The following UNC79 variants were observed in gnomAD, a reference collection of about 807,000 sequenced individuals.
UNC79 encodes protein unc-79 homolog.
Under a neutral mutation model 283.1 loss-of-function variants are expected in UNC79, and 37 were observed. The ratio of observed to expected loss-of-function variants is 0.13; its 90% CI spans 0.10 to 0.17. UNC79 has a LOEUF of 0.17. Ranked by LOEUF, UNC79 falls within the 10% of genes least tolerant of loss-of-function variation. UNC79 has a pLI of 1.00. For synonymous variants in UNC79, 1,107 were observed against 1,200.2 expected (o/e 0.92, Z 1.61); for missense variants, 2,272 against 3,211.1 (o/e 0.71, Z 7.07).
At chr14:93,377,956 TGTTTAAACA>T (rs1277048568) in intron 1 of UNC79, among the ~76,000 whole-genome samples, 1 of 152,236 alleles carries the variant, frequency 6.6e-6, no homozygotes, top group East Asian at 1.9e-4. Context: ...TACATTTTAG[TGTTTAAACA>T]GTTTAAGAAG....
exon 18 of UNC79, chr14:93,577,882 A>G (rs763142876): frequency 8.1e-6 from 13 of 1,614,180 alleles, no homozygotes; most frequent in Non-Finnish European, 1.1e-5. Context: ...GTTCAGCACA[A>G]TATGCTTAGT....
intron 46 of UNC79, 108 bp downstream of exon 49, chr14:93,692,054 A>G (rs2074735497): frequency 7.7e-7 from 1 of 1,305,240 alleles, no homozygotes; most frequent in Non-Finnish European, 1.1e-6. Context: ...AAGGTTATAT[A>G]AATGGATCGG....
At chr14:93,345,707 T>C (rs1270350109) in intron 1 of UNC79, among the ~76,000 whole-genome samples, 1 of 152,060 alleles carries the variant, frequency 6.6e-6, no homozygotes, top group Non-Finnish European at 1.5e-5. Flanking sequence ...CCAGTGTCCG[T>C]CAATAAGAAT....
chr14:93,673,508 GA>G, intron 41 of UNC79, 53 bp downstream of exon 44: 1 of 1,489,578 alleles, frequency 6.7e-7, no homozygotes, highest in Non-Finnish European at 9.3e-7. Flanking sequence ...GTATGTTTGG[GA>G]AAATTAAGGG....
intron 48 of UNC79, among the ~76,000 whole-genome samples, chr14:93,704,900 C>T (rs1251058346): frequency 4.6e-5 from 7 of 152,042 alleles, no homozygotes; most frequent in East Asian, 3.9e-4. Context: ...CAGTGGAGGG[C>T]GGTATCCCAG....
At chr14:93,700,681 T>A (rs1481309847) in intron 47 of UNC79, among the ~76,000 whole-genome samples, 7 of 152,234 alleles carry the variant, frequency 4.6e-5, no homozygotes, top group Non-Finnish European at 2.9e-5. Flanking sequence ...AATATCTTTA[T>A]CCTTCTGAGG....
At chr14:93,646,299 G>T (rs1406730663) in intron 34 of UNC79, among the ~76,000 whole-genome samples, 1 of 152,234 alleles carries the variant, frequency 6.6e-6, no homozygotes, top group Admixed American at 6.5e-5. Flanking sequence ...ATATGGAGAG[G>T]AGCTGGGTCA....
chr14:93,413,252 C>T (rs1192140512), intron 1 of UNC79, among the ~76,000 whole-genome samples: 6 of 149,064 alleles, frequency 4.0e-5, no homozygotes, highest in Admixed American at 6.8e-5. Context: ...GTTCAATTCC[C>T]ACCTATGAGT....
chr14:93,411,894 G>C (rs1412735953), intron 1 of UNC79, among the ~76,000 whole-genome samples: 1 of 152,186 alleles, frequency 6.6e-6, no homozygotes, highest in African/African-American at 2.4e-5. Flanking sequence ...ACAAACATCT[G>C]TAAGTACCAA....
intron 35 of UNC79, among the ~76,000 whole-genome samples, chr14:93,649,160 A>G (rs2069964623): frequency 6.6e-6 from 1 of 152,204 alleles, no homozygotes; most frequent in Non-Finnish European, 1.5e-5. Context: ...CTCAAATGAT[A>G]GAGTGTATAT....
chr14:93,335,414 T>TA (rs931500040), intron 1 of UNC79, among the ~76,000 whole-genome samples: 2 of 152,210 alleles, frequency 1.3e-5, no homozygotes, highest in Non-Finnish European at 2.9e-5. Context: ...ATGCTGGGGG[T>TA]AAAAAATAAA....
rs1028773361 is a variant in UNC79 at position 93,355,206 on chromosome 14, C to T, written c.-351+21683C>T. On this transcript the variant is annotated intron_variant, in intron 1 of 49. Transcript: ENST00000256339. Reference sequence around the variant, plus strand: ...CACCATGCCCGGCTAGTTTTTTTTTCCCCCTGAGACAGAGTTTTGCTCTTT... The same window carrying T: ...CACCATGCCCGGCTAGTTTTTTTTTTCCCCTGAGACAGAGTTTTGCTCTTT... Among the ~76,000 whole-genome samples, 3 of 149,710 alleles carry T rather than the reference C, an allele frequency of 2.0e-5. No individual in the cohort carries two copies. The East Asian group carries it at 5.9e-4, about 29-fold the overall frequency.
intron 2 of UNC79, among the ~76,000 whole-genome samples, chr14:93,469,568 G>A (rs190694923): frequency 2.0e-5 from 3 of 152,272 alleles, no homozygotes; most frequent in African/African-American, 7.2e-5. Context: ...ATTAAAGGAA[G>A]TGCTTAGCAC....
At chr14:93,365,250 G>A (rs898269844) in intron 1 of UNC79, among the ~76,000 whole-genome samples, 2 of 152,036 alleles carry the variant, frequency 1.3e-5, no homozygotes, top group African/African-American at 4.8e-5. Context: ...GCGGGTTGTG[G>A]TGGCAGGTGC....
intron 14 of UNC79, among the ~76,000 whole-genome samples, chr14:93,567,503 C>T (rs141592156): frequency 5.9e-5 from 9 of 152,066 alleles, no homozygotes; most frequent in African/African-American, 2.2e-4. Flanking sequence ...CTGGGATTAC[C>T]GGTGTGAGCC....
intron 1 of UNC79, among the ~76,000 whole-genome samples, chr14:93,450,103 C>A (rs1255407106): frequency 6.6e-6 from 1 of 152,116 alleles, no homozygotes; most frequent in Non-Finnish European, 1.5e-5. Flanking sequence ...GGAGTTCATC[C>A]CAGTTGAGGC....
chr14:93,662,521 G>T, intron 39 of UNC79, 83 bp from the exon 43 acceptor site: 2 of 954,092 alleles, frequency 2.1e-6, no homozygotes, highest in Non-Finnish European at 1.5e-6. Context: ...GATTCCATTA[G>T]TTAAAGTATC....
intron 37 of UNC79, 30 bp from the exon 41 acceptor site, chr14:93,655,204 A>G (rs1167796781): frequency 6.2e-7 from 1 of 1,608,252 alleles, no homozygotes; most frequent in Non-Finnish European, 8.5e-7. Context: ...CTGTTTCAGC[A>G]GTTGATGGCC....
At chr14:93,393,232 A>C (rs117710216) in intron 1 of UNC79, among the ~76,000 whole-genome samples, 1 of 152,238 alleles carries the variant, frequency 6.6e-6, no homozygotes, top group African/African-American at 2.4e-5. Context: ...AAGATCCTGC[A>C]TGTCAACACT....
Sources: allele counts gnomAD v4.1 joint callset (sites outside exome capture counted in the v4.1 genomes callset), GRCh38; gene constraint gnomAD v4.1.1; transcripts MANE v1.5; gene names NCBI Gene and HGNC (gene_info 2026-07-23, HGNC 2026-07-21).